The following ARHGAP24 variants were observed in gnomAD, a reference collection of about 807,000 sequenced individuals.
ARHGAP24 encodes the protein Rho GTPase activating protein 24, also known as rho GTPase-activating protein 24.
In ARHGAP24, 50 loss-of-function variants were observed where a neutral mutation model predicts 76.4. That is an observed-to-expected ratio of 0.65 (90% CI 0.52 to 0.83). The LOEUF (loss-of-function observed/expected upper bound fraction) is 0.83. Among genes scored for constraint, ARHGAP24 ranks in the 40% least tolerant of loss-of-function variants. The pLI is 0.00. For synonymous variants in ARHGAP24, 345 were observed against 323.3 expected (o/e 1.07, Z -0.72); for missense variants, 930 against 914.2 (o/e 1.02, Z -0.22).
intron 8 of ARHGAP24, among the ~76,000 whole-genome samples, chr4:85,980,669 A>G (rs1046360667): frequency 1.3e-5 from 2 of 152,158 alleles, no homozygotes; most frequent in African/African-American, 4.8e-5. Context: ...AAATCTATCC[A>G]CTTAATGTTC....
chr4:85,651,960 T>C (rs1721963179), intron 2 of ARHGAP24, among the ~76,000 whole-genome samples: 1 of 152,164 alleles, frequency 6.6e-6, no homozygotes, highest in Non-Finnish European at 1.5e-5. Flanking sequence ...GCGAACAATT[T>C]AAAGTCTTTC....
chr4:85,868,611 T>C (rs1375552767), intron 3 of ARHGAP24, among the ~76,000 whole-genome samples: 1 of 152,140 alleles, frequency 6.6e-6, no homozygotes, highest in Non-Finnish European at 1.5e-5. Flanking sequence ...GATGGGATCC[T>C]GGAACAGAAA....
intron 1 of ARHGAP24, among the ~76,000 whole-genome samples, chr4:85,499,148 ATAT>A (rs1447915780): frequency 6.6e-6 from 1 of 152,210 alleles, no homozygotes; most frequent in Non-Finnish European, 1.5e-5. Context: ...TAAATCAGAT[ATAT>A]TATTTTAGAG....
At chr4:85,552,405 G>GT (rs1232070090) in intron 1 of ARHGAP24, among the ~76,000 whole-genome samples, 2 of 152,006 alleles carry the variant, frequency 1.3e-5, no homozygotes, top group East Asian at 1.9e-4. Flanking sequence ...TATGATTTCA[G>GT]TTTTTTTGAA....
At chr4:85,609,488 T>C (rs1247303580) in intron 2 of ARHGAP24, among the ~76,000 whole-genome samples, 1 of 152,242 alleles carries the variant, frequency 6.6e-6, no homozygotes, top group Non-Finnish European at 1.5e-5. Context: ...TACTGATTTT[T>C]AAGACAATTT....
chr4:85,877,999 A>G (rs948662372), intron 3 of ARHGAP24, among the ~76,000 whole-genome samples: 3 of 152,208 alleles, frequency 2.0e-5, no homozygotes, highest in African/African-American at 7.2e-5. Flanking sequence ...TTAAAATGGA[A>G]CATCAAATAC....
intron 2 of ARHGAP24, among the ~76,000 whole-genome samples, chr4:85,619,430 A>G (rs1720642236): frequency 6.6e-6 from 1 of 151,528 alleles, no homozygotes; most frequent in African/African-American, 2.4e-5. Flanking sequence ...TTTGCTCAAG[A>G]TTGCTTTGGC....
Position 85,666,428 on chromosome 4 carries a change from C to A in ARHGAP24, c.181-55457C>A, listed in dbSNP as rs1021072481. 4.8e-4 allele frequency among the ~76,000 whole-genome samples: 73 copies of A among 151,948 alleles called. 2 individuals carry two copies. The highest frequency in any genetic ancestry group is 4.2e-3 in the Admixed American group (64 of 15,256). ...TTTTCAAAATTTTTAACTTCTTTGC[C>A]TTTGGTTTGAATTTCCTCCTGTAGC... is the stretch of plus-strand genomic sequence containing the variant. On this transcript the variant is annotated intron_variant, in intron 2 of 9. Transcript: ENST00000395184.
At chr4:85,898,870 A>G (rs1187112076) in intron 3 of ARHGAP24, among the ~76,000 whole-genome samples, 1 of 152,112 alleles carries the variant, frequency 6.6e-6, no homozygotes, top group Non-Finnish European at 1.5e-5. Context: ...CAGTTTCCCA[A>G]GTAGCTGGGA....
intron 5 of ARHGAP24, among the ~76,000 whole-genome samples, chr4:85,957,720 C>A (rs188630033): frequency 1.3e-5 from 2 of 152,242 alleles, no homozygotes; most frequent in African/African-American, 4.8e-5. Flanking sequence ...GAATAACTCA[C>A]AAGAGTTCCA....
At chr4:85,625,086 A>T (rs1720890449) in intron 2 of ARHGAP24, among the ~76,000 whole-genome samples, 1 of 151,848 alleles carries the variant, frequency 6.6e-6, no homozygotes, top group African/African-American at 2.4e-5. Flanking sequence ...TTCTGCTCTG[A>T]TCTTAGTTAT....
intron 2 of ARHGAP24, among the ~76,000 whole-genome samples, chr4:85,662,578 A>C (rs1268543119): frequency 6.6e-6 from 1 of 151,850 alleles, no homozygotes; most frequent in Non-Finnish European, 1.5e-5. Context: ...TGTTTTAGAC[A>C]TGAAGTCCTT....
chr4:85,693,866 G>A lies in ARHGAP24; in HGVS notation c.181-28019G>A, dbSNP rs146831998. On this transcript the variant is annotated intron_variant, in intron 2 of 9. Transcript: ENST00000395184. ...GGTGCATCAAGGCCCGTGGCTCCAC[G>A]CCTGCTGAAGCCCTGTCTCTGCCTA... Among the ~76,000 whole-genome samples, 771 of 152,270 alleles carry A rather than the reference G, an allele frequency of 5.1e-3. 5 individuals carry two copies. Among genetic ancestry groups the A allele is most frequent in the African/African-American group, 0.018 (728 of 41,568 alleles).
chr4:85,856,381 T>G (rs1731565120), intron 3 of ARHGAP24, among the ~76,000 whole-genome samples: 1 of 152,238 alleles, frequency 6.6e-6, no homozygotes, highest in African/African-American at 2.4e-5. Context: ...TTTTTAGTTT[T>G]TTAGTTTTGC....
chr4:85,809,472 C>T (rs563418557), intron 3 of ARHGAP24, among the ~76,000 whole-genome samples: 1 of 152,116 alleles, frequency 6.6e-6, no homozygotes, highest in Admixed American at 6.6e-5. Flanking sequence ...TACCTTATTC[C>T]ATTCAAGGCA....
intron 3 of ARHGAP24, among the ~76,000 whole-genome samples, chr4:85,767,212 G>A (rs763887427): frequency 4.6e-5 from 7 of 152,150 alleles, no homozygotes; most frequent in Non-Finnish European, 8.8e-5. Context: ...AGTTGCAAAT[G>A]ATGTGTGTTT....
At chr4:85,747,708 A>AAAAC (rs10653867) in intron 3 of ARHGAP24, among the ~76,000 whole-genome samples, 90,716 of 150,646 alleles carry the variant, frequency 0.6, 29,289 homozygotes, top group Non-Finnish European at 0.72. Flanking sequence ...GTCTAAAACA[A>AAAAC]AAACAAACAA....
chr4:85,510,809 C>T (rs971678163), intron 1 of ARHGAP24, among the ~76,000 whole-genome samples: 2 of 58,156 alleles, frequency 3.4e-5, no homozygotes, highest in Admixed American at 2.1e-4. Context: ...CCTTCCTCCT[C>T]CTCCTCCTCC....
At chr4:85,861,271 A>G (rs1731882417) in intron 3 of ARHGAP24, among the ~76,000 whole-genome samples, 2 of 152,092 alleles carry the variant, frequency 1.3e-5, no homozygotes, top group South Asian at 4.1e-4. Flanking sequence ...CAATATTTAC[A>G]TTCTGGTGAT....
Sources: gnomAD v4.1 joint callset for allele counts (sites outside exome capture counted in the v4.1 genomes callset) on GRCh38, gnomAD v4.1.1 for gene constraint, MANE v1.5 for transcripts, NCBI Gene and HGNC (gene_info 2026-07-23, HGNC 2026-07-21) for gene names.